Variants in AGPAT3 observed in about 807,000 individuals in gnomAD.
AGPAT3 encodes the protein 1-acylglycerol-3-phosphate O-acyltransferase 3.
In AGPAT3, 5 loss-of-function variants were observed where a neutral mutation model predicts 47.3. That is an observed-to-expected ratio of 0.11 (90% CI 0.06 to 0.22). AGPAT3 has a LOEUF of 0.22. AGPAT3 is among the 10% of genes least tolerant of loss of function. The probability of loss-of-function intolerance (pLI) is 1.00; values close to 1 mark genes in which losing one functional copy is unlikely to be tolerated. For synonymous variants in AGPAT3, 212 were observed against 208.3 expected, an observed-to-expected ratio of 1.02 and a Z score of -0.15; for missense variants, 315 against 493.0, an observed-to-expected ratio of 0.64 and a Z score of 3.42.
chr21:43,924,272 G>T (rs552104112), intron 2 of AGPAT3, among the ~76,000 whole-genome samples: 4 of 151,140 alleles, frequency 2.6e-5, no homozygotes, highest in Non-Finnish European at 5.9e-5. Flanking sequence ...TGACCCGCCC[G>T]CCTCGGCCTC....
rs771940393 is a variant in AGPAT3 at position 43,971,514 on chromosome 21, C to T, written c.767+24C>T. The T allele has an allele frequency of 4.7e-5, 75 of 1,608,906 alleles. No individual in the cohort carries two copies. In the East Asian group the frequency reaches 1.3e-3, roughly 27 times the overall value. The stretch of plus-strand genomic sequence containing the variant: ...AGGTGAGGCCAGACCCTGTGGCTCT[C>T]GCGCCGCCCCCCATACCTTCATGAG... On this transcript the variant is annotated intron_variant, in intron 7 of 9. Coordinates refer to ENST00000291572, the MANE Select transcript of AGPAT3 (RefSeq NM_020132.5).
rs2089838657 is a variant in AGPAT3, at chr21:43,981,230, C to A, written c.1042+43C>A. The A allele has an allele frequency of 6.2e-7, 1 of 1,602,590 alleles. No individual in the cohort carries two copies. Among genetic ancestry groups the A allele is most frequent in the African/African-American group, 1.3e-5 (1 of 74,784 alleles). On this transcript the variant is annotated intron_variant, in intron 9 of 9. Coordinates refer to ENST00000291572, the MANE Select transcript of AGPAT3 (RefSeq NM_020132.5). The surrounding 1 kb of genome is among the most constrained non-coding windows in gnomAD (Gnocchi z 5.3). The stretch of plus-strand genomic sequence containing the variant: ...TAACAGCTCACACTCTGACGGGCCT[C>A]ACAGTATCAGCCACAGGGTCCGGGA...
chr21:43,967,711 C>T (rs973140772), intron 3 of AGPAT3: 6 of 513,606 alleles, frequency 1.2e-5, no homozygotes, highest in African/African-American at 1.9e-5. Context: ...CGTCTCCATG[C>T]AGAGTGGCGG....
At chr21:43,886,526 A>G (rs931138301) in intron 1 of AGPAT3, among the ~76,000 whole-genome samples, 1 of 152,192 alleles carries the variant, frequency 6.6e-6, no homozygotes, top group Non-Finnish European at 1.5e-5. Context: ...TACTGGGATT[A>G]CAAGCATGAG....
At chr21:43,951,582 C>G (rs898872788) in intron 2 of AGPAT3, among the ~76,000 whole-genome samples, 2 of 152,190 alleles carry the variant, frequency 1.3e-5, no homozygotes, top group African/African-American at 4.8e-5. Context: ...CTGCCCAGCT[C>G]CTGCCCCTGC....
At chr21:43,950,870 C>G (rs1010231539) in intron 2 of AGPAT3, 3 of 152,276 alleles carry the variant, frequency 2.0e-5, no homozygotes, top group African/African-American at 7.2e-5. Flanking sequence ...CCCGAAAGGT[C>G]CACTGTGAGT....
intron 1 of AGPAT3, among the ~76,000 whole-genome samples, chr21:43,884,612 GGGGTGCCCTGGTGCTGGACGTT>G (rs546566634): frequency 0.03 from 4,578 of 152,146 alleles, 98 homozygotes; most frequent in Non-Finnish European, 0.042. Context: ...GCTGAATGCT[GGGGTGCCCTGGTGCTGGACGTT>G]GGGTGCCCAG....
intron 2 of AGPAT3, among the ~76,000 whole-genome samples, chr21:43,926,636 CTTTTTTTTTTT>C (rs557494803): frequency 2.1e-3 from 183 of 86,548 alleles, no homozygotes; most frequent in Non-Finnish European, 3.2e-3. Context: ...CTACGCTGGC[CTTTTTTTTTTT>C]TTTTTTTTTT....
At chr21:43,942,860 G>T (rs1569078450) in intron 2 of AGPAT3, among the ~76,000 whole-genome samples, 1 of 152,174 alleles carries the variant, frequency 6.6e-6, no homozygotes, top group Non-Finnish European at 1.5e-5. Context: ...GGGAGACAAG[G>T]CAGGACCTCT....
chr21:43,955,071 G>T lies in AGPAT3; in HGVS notation c.-48-4563G>T. 1 of 1,244,392 alleles carries T rather than the reference G, an allele frequency of 8.0e-7. No individual in the cohort carries two copies. Among genetic ancestry groups the T allele is most frequent in the Non-Finnish European group, 1.0e-6 (1 of 960,050 alleles). The allele number at this position is 1,244,392 out of a possible 1,614,324, so 77.1% of individuals were successfully genotyped here. On this transcript the variant is annotated intron_variant, in intron 2 of 9. Transcript: ENST00000291572. The surrounding 1 kb of genome is among the most constrained non-coding windows in gnomAD (Gnocchi z 4.1). Reference sequence around the variant, plus strand: ...TATCTGTGGCCCCCAAAGGCTGGGTGCCAGCTGCCTGTCGGCAGGGAGCGT... The same window carrying T: ...TATCTGTGGCCCCCAAAGGCTGGGTTCCAGCTGCCTGTCGGCAGGGAGCGT...
intron 2 of AGPAT3, among the ~76,000 whole-genome samples, chr21:43,917,259 C>A (rs534233467): frequency 1.3e-5 from 2 of 151,518 alleles, no homozygotes; most frequent in East Asian, 3.9e-4. Flanking sequence ...GTGCTGTGAG[C>A]CTGTTGCCGG....
At position 43,909,358 on chromosome 21, in the gene AGPAT3, T is replaced by C. The variant is rs1334403166; in HGVS notation, c.-49+5339T>C. On this transcript the variant is annotated intron_variant, in intron 2 of 9. Coordinates refer to ENST00000291572, the MANE Select transcript of AGPAT3 (RefSeq NM_020132.5). ...TCGCCCAGGCCGGAGTGTGGTGGCG[T>C]GATCTCGGCTCACCGCAAGCTCCGT... is the stretch of plus-strand genomic sequence containing the variant. Among the ~76,000 whole-genome samples the C allele has an allele frequency of 3.3e-5, 5 of 149,318 alleles. No individual in the cohort carries two copies. The East Asian group carries it at 6.1e-4, about 18-fold the overall frequency.
At chr21:43,872,470 C>T (rs756148762) in intron 1 of AGPAT3, among the ~76,000 whole-genome samples, 6 of 152,162 alleles carry the variant, frequency 3.9e-5, no homozygotes, top group African/African-American at 7.2e-5. Flanking sequence ...CGTGAGCCAC[C>T]GCGCCGGCCG....
intron 4 of AGPAT3, 39 bp from the exon 5 acceptor site, chr21:43,969,079 C>A (rs368001210): frequency 1.2e-6 from 2 of 1,609,010 alleles, no homozygotes; most frequent in Admixed American, 1.7e-5. Flanking sequence ...CTCTGTCCGA[C>A]GCTGAAGTGC....
chr21:43,914,499 A>T (rs900190489), intron 2 of AGPAT3, among the ~76,000 whole-genome samples: 60 of 152,164 alleles, frequency 3.9e-4, no homozygotes, highest in African/African-American at 1.3e-3. Flanking sequence ...TTATTTAAAA[A>T]TTTTTTAAAA....
chr21:43,903,675 G>T (rs1450802474), intron 1 of AGPAT3, among the ~76,000 whole-genome samples: 1 of 152,214 alleles, frequency 6.6e-6, no homozygotes, highest in East Asian at 1.9e-4. Flanking sequence ...GTCCTTCCTG[G>T]GGCGTGACCT....
intron 1 of AGPAT3, among the ~76,000 whole-genome samples, chr21:43,899,046 C>G (rs1430926339): frequency 6.6e-6 from 1 of 152,240 alleles, no homozygotes; most frequent in Non-Finnish European, 1.5e-5. Context: ...TTTGCACACA[C>G]TTGCCGCTCT....
chr21:43,963,520 G>C (rs545007150), intron 3 of AGPAT3, among the ~76,000 whole-genome samples: 2 of 152,078 alleles, frequency 1.3e-5, no homozygotes, highest in African/African-American at 4.8e-5. Flanking sequence ...GACCAGCCTG[G>C]CCAACATGGT....
rs1157116384 is a variant in AGPAT3, at chr21:43,983,173, T to G, written c.*781T>G. The G allele has an allele frequency of 6.6e-6, 1 of 152,166 alleles. No individual in the cohort carries two copies. Among genetic ancestry groups the G allele is most frequent in the African/African-American group, 2.4e-5 (1 of 41,422 alleles). 9.4% of individuals were successfully genotyped at this position (152,166 alleles called of 1,614,324 possible). ...CGCTCTCATGGCTGTCAGATCCTGG[T>G]CCCTCCACACTGGGTGCTGGGGAGG... On this transcript the variant is annotated 3_prime_UTR_variant, in exon 10 of 10. Transcript: ENST00000291572.
Sources: gnomAD v4.1 joint callset for allele counts (sites outside exome capture counted in the v4.1 genomes callset) on GRCh38, gnomAD v4.1.1 for gene constraint, Gnocchi (gnomAD v3.1) non-coding constraint, MANE v1.5 for transcripts, NCBI Gene and HGNC (gene_info 2026-07-23, HGNC 2026-07-21) for gene names.